ANK3: variants seen among roughly 807,000 people sequenced by gnomAD.
The protein encoded by ANK3 is ankyrin 3, also known as ankyrin-3.
In ANK3, 57 loss-of-function variants were observed where a neutral mutation model predicts 370.9. The observed-to-expected ratio is 0.15, with a 90% CI of 0.12 to 0.19. ANK3 has a LOEUF of 0.19. Among genes scored for constraint, ANK3 ranks in the 10% least tolerant of loss-of-function variants. The probability of loss-of-function intolerance (pLI) is 1.00; values close to 1 mark genes in which losing one functional copy is unlikely to be tolerated. For missense variants in ANK3, 4,439 were observed against 5,302.1 expected (o/e 0.84, Z 5.06); for synonymous variants, 1,929 against 1,946.3 (o/e 0.99, Z 0.23).
chr10:60,698,094 C>T lies in ANK3; in HGVS notation c.57+35169G>A, dbSNP rs553079309. On this transcript the variant is annotated intron_variant, in intron 1 of 43. Transcript: ENST00000373827. The stretch of plus-strand genomic sequence containing the variant: ...ACCCCATCAAAAAGTGGGCGAAGGA[C>T]ATGAACAGACACTTCTCAAAAGAAG... Among the ~76,000 whole-genome samples the T allele has an allele frequency of 2.9e-3, 445 of 152,090 alleles. 3 individuals are homozygous for T. Among genetic ancestry groups the T allele is most frequent in the African/African-American group, 0.01 (423 of 41,480 alleles).
At chr10:60,052,713 G>A (rs2078316147) in intron 42 of ANK3, among the ~76,000 whole-genome samples, 2 of 152,002 alleles carry the variant, frequency 1.3e-5, no homozygotes. Context: ...AAATTTTAAT[G>A]GTGGAACTAT....
chr10:60,553,689 G>A (rs2077143064), intron 2 of ANK3, among the ~76,000 whole-genome samples: 2 of 152,108 alleles, frequency 1.3e-5, no homozygotes, highest in African/African-American at 4.8e-5. Context: ...GGAGGTGCAG[G>A]TGAAAACTGA....
intron 8 of ANK3, among the ~76,000 whole-genome samples, chr10:60,233,141 C>T (rs990243686): frequency 1.3e-5 from 2 of 152,226 alleles, no homozygotes; most frequent in African/African-American, 4.8e-5. Flanking sequence ...GATATACTAG[C>T]AGTGGCTAGA....
chr10:60,363,589 C>G (rs2058960248), intron 1 of ANK3, among the ~76,000 whole-genome samples: 1 of 152,200 alleles, frequency 6.6e-6, no homozygotes, highest in Non-Finnish European at 1.5e-5. Context: ...GCTAAGTGTA[C>G]AGGGCAACAC....
chr10:60,666,039 A>G (rs188524995), intron 1 of ANK3, among the ~76,000 whole-genome samples: 1 of 152,346 alleles, frequency 6.6e-6, no homozygotes, highest in African/African-American at 2.4e-5. Context: ...TTACCATATT[A>G]TCCAACAACT....
chr10:60,714,675 T>A (rs2079756804), intron 1 of ANK3, among the ~76,000 whole-genome samples: 1 of 152,148 alleles, frequency 6.6e-6, no homozygotes, highest in Admixed American at 6.6e-5. Flanking sequence ...AAATGCTTAA[T>A]CATAATAAAA....
At chr10:60,306,269 A>G (rs1227525456) in intron 1 of ANK3, among the ~76,000 whole-genome samples, 3 of 151,952 alleles carry the variant, frequency 2.0e-5, no homozygotes, top group Non-Finnish European at 4.4e-5. Context: ...TGTGTCCATC[A>G]TAGCTTAGCT....
intron 1 of ANK3, among the ~76,000 whole-genome samples, chr10:60,717,899 C>T (rs1019107632): frequency 6.6e-6 from 1 of 152,218 alleles, no homozygotes; most frequent in Non-Finnish European, 1.5e-5. Context: ...AGGCAGCCCT[C>T]AGAACCAGAA....
chr10:60,270,746 C>A (rs1033402487), intron 4 of ANK3, among the ~76,000 whole-genome samples: 3 of 152,242 alleles, frequency 2.0e-5, no homozygotes, highest in African/African-American at 7.2e-5. Context: ...AGCTTCAAAG[C>A]TTTTCAAATA....
intron 1 of ANK3, among the ~76,000 whole-genome samples, chr10:60,698,877 A>T (rs2079506407): frequency 6.8e-6 from 1 of 148,130 alleles, no homozygotes. Context: ...CATTGTGCAC[A>T]TGTACCCTAA....
intron 2 of ANK3, among the ~76,000 whole-genome samples, chr10:60,546,492 C>T (rs2076967927): frequency 6.6e-6 from 1 of 152,084 alleles, no homozygotes; most frequent in South Asian, 2.1e-4. Flanking sequence ...AATGACTAGC[C>T]ACTTAAAAAT....
intron 16 of ANK3, among the ~76,000 whole-genome samples, chr10:60,191,513 C>G (rs539319519): frequency 7.4e-4 from 112 of 152,240 alleles, no homozygotes; most frequent in African/African-American, 2.5e-3. Context: ...AAATGCAAAT[C>G]AAAACCACAA....
intron 7 of ANK3, among the ~76,000 whole-genome samples, chr10:60,248,549 A>T (rs1422043203): frequency 1.3e-5 from 2 of 152,220 alleles, no homozygotes; most frequent in Non-Finnish European, 2.9e-5. Flanking sequence ...GACACCACTG[A>T]TTTTGACCAA....
chr10:60,677,907 T>C (rs2079147566), intron 1 of ANK3, among the ~76,000 whole-genome samples: 1 of 152,176 alleles, frequency 6.6e-6, no homozygotes, highest in Non-Finnish European at 1.5e-5. Context: ...CTACTGGTCC[T>C]TTGTCACAGA....
At chr10:60,624,365 A>C (rs1321143935) in intron 1 of ANK3, among the ~76,000 whole-genome samples, 12 of 152,146 alleles carry the variant, frequency 7.9e-5, no homozygotes, top group Non-Finnish European at 1.6e-4. Flanking sequence ...CCTGGTTGGC[A>C]CTACCCATGT....
At chr10:60,444,990 T>C (rs1252886738) in intron 2 of ANK3, among the ~76,000 whole-genome samples, 2 of 152,232 alleles carry the variant, frequency 1.3e-5, no homozygotes, top group African/African-American at 2.4e-5. Flanking sequence ...AAAAGTAATG[T>C]AAGAGAAAGT....
chr10:60,200,241 G>A lies in ANK3; in HGVS notation c.1393-14C>T, dbSNP rs757999152. The stretch of plus-strand genomic sequence containing the variant: ...TGTTTCTCCTCTCTGGGGAACATGA[G>A]CCAAAGTAAATTAGCTGCAGCTCTG... On this transcript the variant is annotated splice_polypyrimidine_tract_variant and intron_variant, in intron 12 of 43. Transcript: ENST00000280772. 1.4e-5 allele frequency: 22 copies of A among 1,605,564 alleles called. No homozygotes were observed. Among genetic ancestry groups the A allele is most frequent in the African/African-American group, 2.7e-5 (2 of 74,758 alleles).
intron 2 of ANK3, among the ~76,000 whole-genome samples, chr10:60,530,057 T>G (rs1474714368): frequency 1.3e-5 from 2 of 152,184 alleles, no homozygotes; most frequent in African/African-American, 2.4e-5. Context: ...CCCTCTGGCC[T>G]GACCCCTTGC....
chr10:60,725,216 C>T (rs1322440361), intron 1 of ANK3, among the ~76,000 whole-genome samples: 1 of 152,080 alleles, frequency 6.6e-6, no homozygotes, highest in African/African-American at 2.4e-5. Flanking sequence ...ATTTGAATTC[C>T]TTATGTTTAT....
Sources: allele counts gnomAD v4.1 joint callset (sites outside exome capture counted in the v4.1 genomes callset), GRCh38; gene constraint gnomAD v4.1.1; transcripts MANE v1.5; gene names NCBI Gene and HGNC (gene_info 2026-07-23, HGNC 2026-07-21).